AK9: variants seen among roughly 807,000 people sequenced by gnomAD.
AK9 encodes adenylate kinase domain containing 1.
AK9 carries 191 observed loss-of-function variants against 239.6 expected under a neutral mutation model. That is an observed-to-expected ratio of 0.80 (90% CI 0.71 to 0.90). AK9 has a LOEUF of 0.90. AK9 is among the 40% of genes least tolerant of loss of function. The probability of loss-of-function intolerance (pLI) is 0.00; values close to 1 mark genes in which losing one functional copy is unlikely to be tolerated. For missense variants in AK9, 1,995 were observed against 2,214.7 expected, an observed-to-expected ratio of 0.90 and a Z score of 1.99; for synonymous variants, 689 against 721.0, an observed-to-expected ratio of 0.96 and a Z score of 0.71.
intron 29 of AK9, among the ~76,000 whole-genome samples, chr6:109,522,798 T>G (rs1780006277): frequency 6.6e-6 from 1 of 152,136 alleles, no homozygotes; most frequent in African/African-American, 2.4e-5. Flanking sequence ...AAGGATTAAA[T>G]TGATTAGTTC....
At chr6:109,667,822 T>C (rs1801453794) in intron 5 of AK9, among the ~76,000 whole-genome samples, 1 of 152,214 alleles carries the variant, frequency 6.6e-6, no homozygotes, top group South Asian at 2.1e-4. Context: ...TCTGGGTTGG[T>C]TCCAAGTCTT....
chr6:109,611,487 G>A (rs561340444), intron 16 of AK9, among the ~76,000 whole-genome samples: 3 of 152,282 alleles, frequency 2.0e-5, no homozygotes, highest in South Asian at 2.1e-4. Flanking sequence ...AGTGTGCCCT[G>A]CTGAAAAACT....
intron 5 of AK9, 38 bp downstream of exon 5, chr6:109,671,881 C>A: frequency 1.3e-6 from 2 of 1,582,914 alleles, no homozygotes; most frequent in Non-Finnish European, 1.7e-6. Flanking sequence ...AGTTTTAAGG[C>A]TGCTTTGTGG....
intron 13 of AK9, 68 bp from the exon 14 acceptor site, chr6:109,614,548 A>G (rs1793940598): frequency 1.6e-6 from 2 of 1,278,534 alleles, no homozygotes; most frequent in East Asian, 2.5e-5. Flanking sequence ...AGAGTGACCA[A>G]AAGCCCCTGC....
At chr6:109,562,112 T>A (rs1477257384) in intron 24 of AK9, among the ~76,000 whole-genome samples, 4 of 152,168 alleles carry the variant, frequency 2.6e-5, no homozygotes, top group Admixed American at 6.5e-5. Context: ...TATTCAAGAA[T>A]CTGAAAAAGT....
chr6:109,683,120 T>C (rs1447756369), intron 1 of AK9, among the ~76,000 whole-genome samples: 2 of 152,046 alleles, frequency 1.3e-5, no homozygotes, highest in African/African-American at 4.8e-5. Flanking sequence ...ATGTAATCCA[T>C]CACATAAATA....
At position 109,633,269 on chromosome 6, in the gene AK9, A is replaced by T; in HGVS notation, c.988T>A (p.Trp330Arg). ...SYKLIAPRYR[W>R]QRSKWGRTCP... ...GTACGTCCCCATTTACTTCTTTGCC[A>T]TCTGTATCTTGGTGCAATAAGTTTA... Residue 330 changes from tryptophan to arginine, a missense_variant, in exon 11 of 41, where the codon TGG becomes AGG. Around this residue, in one of 5 missense-constraint regions of AK9, gnomAD observed 1,290 missense variants for 1,392.7 expected, o/e 0.93. Transcript: ENST00000424296. 6.2e-7 allele frequency: 1 copy of T among 1,609,782 alleles called. No homozygotes were observed.
rs985403030 is a variant in AK9, at chr6:109,550,184, T to G, written c.2870A>C (p.Tyr957Ser). 2.5e-6 allele frequency: 4 copies of G among 1,613,880 alleles called. No individual in the cohort carries two copies. The highest frequency in any genetic ancestry group is 3.4e-6 in the Non-Finnish European group (4 of 1,180,030). The change falls in exon 25 of 41, where the codon TAT becomes TCT. Residue 957 changes from tyrosine (Y) to serine (S), a missense_variant. This residue lies in a region of AK9 where 1,290 missense variants were observed against 1,392.7 expected (regional missense o/e 0.93). Transcript: ENST00000424296. The part of the protein sequence containing the change: ...QPGNTEEAAK[Y>S]REKIYYFSSA... Reference sequence around the variant, plus strand: ...TGAAAAGTAGTAGATCTTTTCTCGATACTTGGCTGCTTCTTCTGTGTTTCC... The same window carrying G: ...TGAAAAGTAGTAGATCTTTTCTCGAGACTTGGCTGCTTCTTCTGTGTTTCC...
chr6:109,532,427 G>A (rs1781399055), intron 28 of AK9, among the ~76,000 whole-genome samples: 1 of 152,086 alleles, frequency 6.6e-6, no homozygotes, highest in Admixed American at 6.5e-5. Context: ...AGACTCAAAA[G>A]CCCATTCTTT....
intron 24 of AK9, among the ~76,000 whole-genome samples, chr6:109,558,604 C>A (rs982394121): frequency 6.6e-6 from 1 of 152,154 alleles, no homozygotes. Flanking sequence ...GTGCCAATGA[C>A]ACTATTTTGA....
Position 109,497,977 on chromosome 6 carries a change from G to A in AK9, c.5047-12C>T. 1 of 1,611,726 alleles carries A rather than the reference G, an allele frequency of 6.2e-7. No homozygotes were observed. The highest frequency in any genetic ancestry group is 8.5e-7 in the Non-Finnish European group (1 of 1,178,170). The stretch of plus-strand genomic sequence containing the variant: ...TTCTCCAAGAATTTCTATTAAAAAA[G>A]AATTCCAGTAGCAACATGATTTAAA... On this transcript the variant is annotated splice_polypyrimidine_tract_variant and intron_variant, in intron 36 of 40. Transcript: ENST00000424296.
At chr6:109,495,558 T>A in intron 38 of AK9, 118 bp from the exon 39 acceptor site, 1 of 633,128 alleles carries the variant, frequency 1.6e-6, no homozygotes, top group Non-Finnish European at 2.4e-6. Context: ...CTGGAGAAAA[T>A]GATACAAGTG....
At chr6:109,627,374 T>G (rs1795665408) in intron 12 of AK9, among the ~76,000 whole-genome samples, 1 of 152,162 alleles carries the variant, frequency 6.6e-6, no homozygotes, top group African/African-American at 2.4e-5. Flanking sequence ...AAATAATGAT[T>G]AAAAGTACAG....
Position 109,614,412 on chromosome 6 carries a change from C to T in AK9, c.1468G>A (p.Ala490Thr). 6.4e-7 allele frequency: 1 copy of T among 1,551,266 alleles called. No individual in the cohort carries two copies. Among genetic ancestry groups the T allele is most frequent in the Non-Finnish European group, 8.7e-7 (1 of 1,146,732 alleles). The change falls in exon 14 of 41, where the codon GCA becomes ACA. Residue 490 changes from alanine (A) to threonine (T), a missense_variant. Coordinates refer to ENST00000424296, the MANE Select transcript of AK9 (RefSeq NM_001145128.3). Reference protein sequence around the residue: ...KMEFGVFPMEATHSSIDEEGY... With the variant: ...KMEFGVFPMETTHSSIDEEGY... ...TCTTCATCAATTGATGAGTGTGTTG[C>T]CTCCATTGGGAATACTCCAAACTCC...
chr6:109,516,154 G>GTCTA, intron 30 of AK9, 79 bp from the exon 31 acceptor site: 1 of 1,209,348 alleles, frequency 8.3e-7, no homozygotes, highest in Middle Eastern at 2.8e-4. Context: ...TGTAGACACT[G>GTCTA]CTGGTGACTG....
At chr6:109,616,549 T>C (rs1212006224) in intron 13 of AK9, among the ~76,000 whole-genome samples, 1 of 152,014 alleles carries the variant, frequency 6.6e-6, no homozygotes, top group Admixed American at 6.6e-5. Flanking sequence ...AACTAATTTT[T>C]TTTTTTTGGT....
chr6:109,501,605 C>T (rs1453342861), intron 35 of AK9, among the ~76,000 whole-genome samples: 8 of 152,168 alleles, frequency 5.3e-5, no homozygotes, highest in Non-Finnish European at 1.2e-4. Flanking sequence ...CTCTTGCAGG[C>T]AAAGAATCAT....
intron 12 of AK9, among the ~76,000 whole-genome samples, chr6:109,627,665 T>C (rs200660688): frequency 5.3e-5 from 5 of 95,058 alleles, no homozygotes; most frequent in Non-Finnish European, 1.2e-4. Context: ...TTCTGTTTTT[T>C]GTTTTTTTGA....
intron 24 of AK9, among the ~76,000 whole-genome samples, chr6:109,553,622 A>C (rs1784617057): frequency 6.6e-6 from 1 of 152,210 alleles, no homozygotes; most frequent in South Asian, 2.1e-4. Context: ...GGGGTATTCT[A>C]GATATAAAAT....
Sources: allele counts gnomAD v4.1 joint callset (sites outside exome capture counted in the v4.1 genomes callset), GRCh38; gene constraint gnomAD v4.1.1; regional missense constraint gnomAD v4.1.1; transcripts MANE v1.5; gene names NCBI Gene and HGNC (gene_info 2026-07-23, HGNC 2026-07-21).